The following NRG3 variants were observed in gnomAD, a reference collection of about 807,000 sequenced individuals.
The protein encoded by NRG3 is pro-neuregulin-3, membrane-bound isoform.
NRG3 carries 31 observed loss-of-function variants against 66.9 expected under a neutral mutation model. The ratio of observed to expected loss-of-function variants is 0.46; its 90% CI spans 0.35 to 0.63. The LOEUF (loss-of-function observed/expected upper bound fraction) is 0.63, where lower values mean the gene tolerates loss of function less well. Ranked by LOEUF, NRG3 falls within the 20% of genes least tolerant of loss-of-function variation. The pLI, the probability that NRG3 is intolerant of heterozygous loss-of-function variation, is 0.00. For synonymous variants in NRG3, 393 were observed against 359.4 expected (o/e 1.09, Z -1.06); for missense variants, 910 against 878.9 (o/e 1.04, Z -0.45).
At chr10:81,908,095 A>ATTGC (rs1844766763) in intron 1 of NRG3, among the ~76,000 whole-genome samples, 2 of 152,128 alleles carry the variant, frequency 1.3e-5, no homozygotes, top group Admixed American at 1.3e-4. Flanking sequence ...TTTCTTCCCG[A>ATTGC]TTGCTTGATA....
intron 2 of NRG3, among the ~76,000 whole-genome samples, chr10:82,418,744 A>G (rs552141034): frequency 2.0e-5 from 3 of 151,240 alleles, no homozygotes; most frequent in Admixed American, 2.0e-4. Context: ...AGTACAATAC[A>G]TGCCACCATG....
intron 1 of NRG3, among the ~76,000 whole-genome samples, chr10:81,923,501 G>A (rs1846466166): frequency 6.6e-6 from 1 of 152,188 alleles, no homozygotes; most frequent in Non-Finnish European, 1.5e-5. Context: ...CACCGCGCCC[G>A]GCCGAATTTG....
chr10:81,959,273 A>G (rs1021843524), intron 1 of NRG3, among the ~76,000 whole-genome samples: 16 of 152,164 alleles, frequency 1.1e-4, no homozygotes, highest in African/African-American at 3.9e-4. Flanking sequence ...ACTGCCTCAA[A>G]TAACTGTGAA....
At chr10:82,321,306 GT>G (rs149495614) in intron 1 of NRG3, among the ~76,000 whole-genome samples, 21,384 of 149,006 alleles carry the variant, frequency 0.14, 1,981 homozygotes, top group East Asian at 0.27. Context: ...AGGGGTGGGG[GT>G]GGGGGTCAGG....
intron 2 of NRG3, among the ~76,000 whole-genome samples, chr10:82,429,710 C>T (rs1351008332): frequency 6.6e-6 from 1 of 151,954 alleles, no homozygotes; most frequent in Non-Finnish European, 1.5e-5. Context: ...ATTTTTTCCG[C>T]TATATTCTCT....
chr10:82,766,206 A>G (rs971772150), intron 3 of NRG3, among the ~76,000 whole-genome samples: 23 of 152,008 alleles, frequency 1.5e-4, no homozygotes, highest in African/African-American at 5.3e-4. Context: ...TACTTTAATT[A>G]TTTTTACGTG....
intron 4 of NRG3, among the ~76,000 whole-genome samples, chr10:82,886,375 T>C (rs1429545309): frequency 6.6e-6 from 1 of 152,190 alleles, no homozygotes; most frequent in Non-Finnish European, 1.5e-5. Context: ...TACATGAGTT[T>C]GAATGTTCCC....
intron 1 of NRG3, among the ~76,000 whole-genome samples, chr10:82,106,862 C>G (rs11192536): frequency 8.5e-4 from 130 of 152,214 alleles, no homozygotes; most frequent in African/African-American, 2.9e-3. Context: ...AAGATGCACT[C>G]TGCTATAAGG....
chr10:82,656,562 TC>T (rs2051879972), intron 2 of NRG3, among the ~76,000 whole-genome samples: 1 of 152,074 alleles, frequency 6.6e-6, no homozygotes. Context: ...TTTTTCCCCT[TC>T]CCAAATCTTT....
chr10:82,965,236 C>A (rs764742167), intron 6 of NRG3, among the ~76,000 whole-genome samples: 2 of 152,102 alleles, frequency 1.3e-5, no homozygotes, highest in Non-Finnish European at 2.9e-5. Flanking sequence ...CATGTGCACA[C>A]AATAAAGTCA....
intron 1 of NRG3, among the ~76,000 whole-genome samples, chr10:81,922,441 A>G (rs749232169): frequency 2.3e-4 from 35 of 152,154 alleles, no homozygotes; most frequent in Non-Finnish European, 4.4e-4. Flanking sequence ...TCTAATGTCT[A>G]TTATTCCACA....
intron 1 of NRG3, among the ~76,000 whole-genome samples, chr10:82,275,995 G>C (rs1483716414): frequency 1.3e-5 from 2 of 151,918 alleles, no homozygotes; most frequent in Non-Finnish European, 2.9e-5. Context: ...GAAGGAAGGA[G>C]ATAAAATAGT....
In NRG3 at chr10:81,882,401, ATG is replaced by A. The variant is rs143311321; in HGVS notation, c.823+6252_823+6253del. ...ACTCTCATGGAAGGGTAACAAATAT[ATG>A]TGTGTGTGTGTGTCTGTGTATGATA... On this transcript the variant is annotated intron_variant, in intron 1 of 8. Coordinates refer to ENST00000372141, the MANE Select transcript of NRG3 (RefSeq NM_001010848.4). 2.5e-3 allele frequency among the ~76,000 whole-genome samples: 382 copies of A among 151,852 alleles called. 1 individual carries two copies. The highest frequency in any genetic ancestry group is 3.4e-3 in the Middle Eastern group (1 of 294).
chr10:81,875,691 G>T lies in NRG3; in HGVS notation c.351G>T (p.Lys117Asn), dbSNP rs1244981962. The T allele has an allele frequency of 6.2e-7, 1 of 1,613,764 alleles. No homozygotes were observed. The highest frequency in any genetic ancestry group is 8.5e-7 in the Non-Finnish European group (1 of 1,179,936). Reference sequence around the variant, plus strand: ...GCCAGGACCCCTTCTTCCTCTCCAAGCCCAGCTCTTTCCCCAAGGCCATGG... The same window carrying T: ...GCCAGGACCCCTTCTTCCTCTCCAATCCCAGCTCTTTCCCCAAGGCCATGG... ...GMGQDPFFLS[K>N]PSSFPKAMET... The change falls in exon 1 of 9, where the codon AAG becomes AAT. Residue 117 changes from lysine (K) to asparagine (N), a missense_variant. Coordinates refer to ENST00000372141, the MANE Select transcript of NRG3 (RefSeq NM_001010848.4). The surrounding 1 kb of genome is among the most constrained non-coding windows in gnomAD (Gnocchi z 5.3).
chr10:82,741,531 C>A (rs1318867387), intron 3 of NRG3, among the ~76,000 whole-genome samples: 1 of 152,118 alleles, frequency 6.6e-6, no homozygotes, highest in Non-Finnish European at 1.5e-5. Flanking sequence ...TACTAATACG[C>A]GTTTAAATGA....
intron 1 of NRG3, among the ~76,000 whole-genome samples, chr10:82,108,144 A>G (rs370640797): frequency 6.6e-6 from 1 of 152,240 alleles, no homozygotes; most frequent in African/African-American, 2.4e-5. Context: ...CAAAGTAATC[A>G]GATAAGTTTA....
chr10:82,657,743 T>C (rs927807026), intron 2 of NRG3, among the ~76,000 whole-genome samples: 1 of 152,020 alleles, frequency 6.6e-6, no homozygotes, highest in Non-Finnish European at 1.5e-5. Context: ...GGAACTATTA[T>C]GAAAAACGTT....
chr10:82,630,073 C>T (rs550747724), intron 2 of NRG3, among the ~76,000 whole-genome samples: 1 of 152,214 alleles, frequency 6.6e-6, no homozygotes, highest in East Asian at 1.9e-4. Flanking sequence ...GAGCTGCCAG[C>T]AACTAAATCG....
chr10:82,426,885 A>G (rs1162361950), intron 2 of NRG3, among the ~76,000 whole-genome samples: 3 of 152,100 alleles, frequency 2.0e-5, no homozygotes, highest in Admixed American at 6.6e-5. Flanking sequence ...TCCTGGGTTC[A>G]AGCAATTCAT....
Sources: allele counts gnomAD v4.1 joint callset (sites outside exome capture counted in the v4.1 genomes callset), GRCh38; gene constraint gnomAD v4.1.1; non-coding constraint Gnocchi (gnomAD v3.1); transcripts MANE v1.5; gene names NCBI Gene and HGNC (gene_info 2026-07-23, HGNC 2026-07-21).